Variants in RBFOX1 observed in about 807,000 individuals in gnomAD.
RBFOX1 encodes the protein RNA binding protein fox-1 homolog 1.
Under a neutral mutation model 57.7 loss-of-function variants are expected in RBFOX1, and 8 were observed. The ratio of observed to expected loss-of-function variants is 0.14; its 90% CI spans 0.08 to 0.25. The LOEUF is 0.25. Ranked by LOEUF, RBFOX1 falls within the 10% of genes least tolerant of loss-of-function variation. The pLI is 1.00. For missense variants in RBFOX1, 611 were observed against 548.5 expected (o/e 1.11, Z -1.14); for synonymous variants, 326 against 222.4 (o/e 1.47, Z -4.15).
At chr16:7,694,637 A>T (rs947392266) in intron 14 of RBFOX1, among the ~76,000 whole-genome samples, 1 of 152,138 alleles carries the variant, frequency 6.6e-6, no homozygotes, top group Non-Finnish European at 1.5e-5. Context: ...TCTGCTTCTC[A>T]TTGTGAGAGG....
intron 1 of RBFOX1, among the ~76,000 whole-genome samples, chr16:6,100,345 G>C (rs768846715): frequency 1.6e-4 from 25 of 152,142 alleles, no homozygotes; most frequent in Admixed American, 2.6e-4. Context: ...TGTATTTTTA[G>C]TAGAGACGGG....
intron 2 of RBFOX1, among the ~76,000 whole-genome samples, chr16:6,620,627 G>C (rs2098215808): frequency 6.6e-6 from 1 of 151,896 alleles, no homozygotes; most frequent in Non-Finnish European, 1.5e-5. Flanking sequence ...AAGAAGAAAA[G>C]GTAGAAGATT....
At chr16:6,300,794 C>T (rs1365310280) in intron 1 of RBFOX1, among the ~76,000 whole-genome samples, 1 of 152,178 alleles carries the variant, frequency 6.6e-6, no homozygotes, top group African/African-American at 2.4e-5. Flanking sequence ...ACTCCACCAC[C>T]ACCTCCCAAG....
chr16:5,650,701 C>G (rs1382340673), intron 3 of RBFOX1, among the ~76,000 whole-genome samples: 1 of 151,220 alleles, frequency 6.6e-6, no homozygotes, highest in South Asian at 2.1e-4. Flanking sequence ...CTACCTTCCT[C>G]TCTCTGTCTC....
intron 4 of RBFOX1, among the ~76,000 whole-genome samples, chr16:7,429,858 C>T (rs561512022): frequency 6.6e-6 from 1 of 152,260 alleles, no homozygotes; most frequent in Admixed American, 6.5e-5. Flanking sequence ...TTGAGATATA[C>T]TATGTATTGC....
intron 3 of RBFOX1, among the ~76,000 whole-genome samples, chr16:5,613,597 G>A (rs1306217807): frequency 1.3e-5 from 2 of 152,142 alleles, no homozygotes; most frequent in East Asian, 1.9e-4. Context: ...AGCATGTCAA[G>A]TTCATTTGAT....
intron 11 of RBFOX1, among the ~76,000 whole-genome samples, chr16:7,644,277 C>T (rs939669485): frequency 7.2e-5 from 11 of 152,102 alleles, no homozygotes; most frequent in African/African-American, 2.7e-4. Context: ...TTTTGTGAGG[C>T]GTTAGTGGGT....
At chr16:7,110,397 C>T (rs1160412023) in intron 4 of RBFOX1, among the ~76,000 whole-genome samples, 1 of 108,856 alleles carries the variant, frequency 9.2e-6, no homozygotes, top group African/African-American at 2.8e-5. Flanking sequence ...CAGTTGACTA[C>T]ATTGAGGGGT....
At chr16:6,860,076 A>C (rs1252472869) in intron 3 of RBFOX1, among the ~76,000 whole-genome samples, 1 of 152,184 alleles carries the variant, frequency 6.6e-6, no homozygotes, top group Non-Finnish European at 1.5e-5. Flanking sequence ...AAGAGAGAGC[A>C]TTTGGAATTG....
intron 4 of RBFOX1, among the ~76,000 whole-genome samples, chr16:7,436,594 T>G (rs1271199438): frequency 1.3e-5 from 2 of 152,138 alleles, no homozygotes; most frequent in Non-Finnish European, 2.9e-5. Context: ...CTCCATGAGG[T>G]TAAAGGATTG....
At chr16:7,245,604 G>A (rs886260217) in intron 4 of RBFOX1, among the ~76,000 whole-genome samples, 1 of 152,194 alleles carries the variant, frequency 6.6e-6, no homozygotes, top group African/African-American at 2.4e-5. Context: ...TTTCTGAGAG[G>A]TTAAACTTTT....
At chr16:5,703,144 T>G (rs1420406270) in intron 3 of RBFOX1, among the ~76,000 whole-genome samples, 3 of 152,110 alleles carry the variant, frequency 2.0e-5, no homozygotes, top group African/African-American at 4.8e-5. Flanking sequence ...ATGAGAGAGA[T>G]ATGGAGCAAA....
At chr16:6,650,630 C>T (rs571970868) in intron 2 of RBFOX1, among the ~76,000 whole-genome samples, 10 of 152,276 alleles carry the variant, frequency 6.6e-5, no homozygotes, top group African/African-American at 2.2e-4. Context: ...CGGTTCAGTC[C>T]CACTTGACTG....
At chr16:6,931,417 C>T (rs1039773599) in intron 3 of RBFOX1, among the ~76,000 whole-genome samples, 1 of 151,736 alleles carries the variant, frequency 6.6e-6, no homozygotes, top group African/African-American at 2.4e-5. Context: ...GCATGAACCA[C>T]TAAAGGCATA....
chr16:5,992,605 C>T (rs1355192500), intron 4 of RBFOX1, among the ~76,000 whole-genome samples: 4 of 151,948 alleles, frequency 2.6e-5, no homozygotes, highest in South Asian at 4.2e-4. Flanking sequence ...TCTAGGAATC[C>T]GATGAGAAAC....
chr16:6,725,314 G>C (rs1427571998), intron 3 of RBFOX1, among the ~76,000 whole-genome samples: 1 of 151,950 alleles, frequency 6.6e-6, no homozygotes, highest in Admixed American at 6.6e-5. Flanking sequence ...GCCTCCCAAA[G>C]TGCTGGGATT....
At chr16:6,661,358 G>C (rs764165728) in intron 3 of RBFOX1, among the ~76,000 whole-genome samples, 1 of 152,200 alleles carries the variant, frequency 6.6e-6, no homozygotes, top group Non-Finnish European at 1.5e-5. Flanking sequence ...AGACGGTGTA[G>C]AGAACATGGT....
chr16:6,905,348 G>A (rs1475951388), intron 3 of RBFOX1, among the ~76,000 whole-genome samples: 1 of 151,966 alleles, frequency 6.6e-6, no homozygotes, highest in Non-Finnish European at 1.5e-5. Flanking sequence ...GAGGTTGGGA[G>A]TTCGAGACTC....
chr16:7,484,920 C>T (rs1422734276), intron 4 of RBFOX1, among the ~76,000 whole-genome samples: 1 of 152,162 alleles, frequency 6.6e-6, no homozygotes, highest in Non-Finnish European at 1.5e-5. Flanking sequence ...GTAAAGAAGA[C>T]ATTTGTCCCA....
Sources: allele counts gnomAD v4.1 joint callset (sites outside exome capture counted in the v4.1 genomes callset), GRCh38; gene constraint gnomAD v4.1.1; transcripts MANE v1.5; gene names NCBI Gene and HGNC (gene_info 2026-07-23, HGNC 2026-07-21).